Variants in TRIP12 observed in about 807,000 individuals in gnomAD.
The protein encoded by TRIP12 is E3 ubiquitin-protein ligase TRIP12.
In TRIP12, 25 loss-of-function variants were observed where a neutral mutation model predicts 244.2. The observed-to-expected ratio is 0.10, with a 90% confidence interval of 0.07 to 0.14. TRIP12 has a LOEUF of 0.14. TRIP12 is among the 10% of genes least tolerant of loss of function. The probability of loss-of-function intolerance (pLI) is 1.00; values close to 1 mark genes in which losing one functional copy is unlikely to be tolerated. For missense variants in TRIP12, 1,677 were observed against 2,486.4 expected (o/e 0.67, Z 6.92); for synonymous variants, 905 against 873.1 (o/e 1.04, Z -0.64).
At chr2:229,878,620 C>T (rs1446370038) in intron 2 of TRIP12, among the ~76,000 whole-genome samples, 1 of 150,634 alleles carries the variant, frequency 6.6e-6, no homozygotes, top group Non-Finnish European at 1.5e-5. Flanking sequence ...CTCTGTCTGT[C>T]GCCCAGGCTG....
intron 34 of TRIP12, among the ~76,000 whole-genome samples, chr2:229,780,392 C>T (rs2037711307): frequency 6.6e-6 from 1 of 152,216 alleles, no homozygotes; most frequent in Non-Finnish European, 1.5e-5. Flanking sequence ...TAGATGGTCT[C>T]TGCACTAGCA....
intron 5 of TRIP12, among the ~76,000 whole-genome samples, chr2:229,837,730 CAT>C (rs1277727546): frequency 1.3e-5 from 2 of 152,144 alleles, no homozygotes; most frequent in Admixed American, 1.3e-4. Flanking sequence ...TTACCTAAAT[CAT>C]ATAAAAATAA....
intron 2 of TRIP12, among the ~76,000 whole-genome samples, chr2:229,869,565 T>A (rs889024694): frequency 3.3e-5 from 5 of 152,138 alleles, no homozygotes; most frequent in Non-Finnish European, 7.4e-5. Context: ...CCGAGCTGGG[T>A]TGCTTTCTGG....
intron 4 of TRIP12, among the ~76,000 whole-genome samples, chr2:229,845,422 T>C (rs922443647): frequency 8.5e-5 from 13 of 152,084 alleles, no homozygotes; most frequent in African/African-American, 3.1e-4. Context: ...TTCCAGAAAG[T>C]CATAATAAAT....
In TRIP12 at chr2:229,814,349, A is replaced by C. The variant is rs74001435; in HGVS notation, c.1732-24T>G. On this transcript the variant is annotated intron_variant, in intron 11 of 41. Coordinates refer to ENST00000675903, the MANE Select transcript of TRIP12 (RefSeq NM_001348323.3). ...AGCTGGGAACATATATATAGTTACCATAAGGTTATCATTTAAGTTCTTTCC... is the reference window on the plus strand; with the variant it reads ...AGCTGGGAACATATATATAGTTACCCTAAGGTTATCATTTAAGTTCTTTCC... 1.4e-3 allele frequency: 2,291 copies of C among 1,605,756 alleles called. 31 individuals carry two copies. In the African/African-American group the frequency reaches 0.027, roughly 19 times the overall value.
intron 1 of TRIP12, among the ~76,000 whole-genome samples, chr2:229,895,207 A>T (rs1020665762): frequency 6.6e-6 from 1 of 152,236 alleles, no homozygotes. Context: ...CAGAATTTCT[A>T]ACATGAAAAA....
At chr2:229,770,912 G>C (rs554910549) in intron 39 of TRIP12, among the ~76,000 whole-genome samples, 1 of 152,248 alleles carries the variant, frequency 6.6e-6, no homozygotes, top group South Asian at 2.1e-4. Flanking sequence ...CCCCAGCCAC[G>C]TGGAACTCTA....
chr2:229,858,312 G>A (rs1375909859), intron 4 of TRIP12, among the ~76,000 whole-genome samples: 2 of 152,164 alleles, frequency 1.3e-5, no homozygotes, highest in Non-Finnish European at 1.5e-5. Flanking sequence ...GCAGTGAGCC[G>A]AGACTGCGCC....
intron 1 of TRIP12, among the ~76,000 whole-genome samples, chr2:229,886,922 C>G (rs893118541): frequency 6.6e-6 from 1 of 152,056 alleles, no homozygotes; most frequent in African/African-American, 2.4e-5. Context: ...ATTTTCACAC[C>G]AACTTTACAA....
intron 2 of TRIP12, among the ~76,000 whole-genome samples, chr2:229,875,601 T>C (rs775519010): frequency 1.3e-5 from 2 of 152,238 alleles, no homozygotes; most frequent in Non-Finnish European, 2.9e-5. Context: ...ACACTAGCTA[T>C]ACAAAGTTGA....
intron 4 of TRIP12, among the ~76,000 whole-genome samples, chr2:229,849,325 T>G (rs1311485846): frequency 6.6e-6 from 1 of 152,212 alleles, no homozygotes; most frequent in East Asian, 1.9e-4. Context: ...CCCTGCGTGC[T>G]GATCATCACT....
intron 4 of TRIP12, among the ~76,000 whole-genome samples, chr2:229,845,518 A>T (rs916524062): frequency 6.6e-6 from 1 of 152,090 alleles, no homozygotes; most frequent in African/African-American, 2.4e-5. Context: ...ATGGTTACTG[A>T]CCCAGACTTT....
At chr2:229,771,414 C>G in intron 39 of TRIP12, 105 bp downstream of exon 39, 1 of 856,436 alleles carries the variant, frequency 1.2e-6, no homozygotes, top group South Asian at 1.7e-5. Flanking sequence ...ATCTAACACC[C>G]ATTTTTTTGT....
chr2:229,917,380 CAAAAAAAAAAAAAAAAAA>C (rs60397605), intron 1 of TRIP12, among the ~76,000 whole-genome samples: 96 of 29,266 alleles, frequency 3.3e-3, no homozygotes, highest in African/African-American at 6.9e-3. Flanking sequence ...GACTCTGTCT[CAAAAAAAAAAAAAAAAAA>C]AAAAAAAAAA....
chr2:229,808,481 G>A, intron 15 of TRIP12, 112 bp from the exon 16 acceptor site: 1 of 690,316 alleles, frequency 1.4e-6, no homozygotes, highest in Non-Finnish European at 2.4e-6. Flanking sequence ...TTCTTACAAA[G>A]CAACATAATG....
At chr2:229,864,031 AGAGAGAGAGAGAGAGAGT>A (rs1559955438) in intron 2 of TRIP12, among the ~76,000 whole-genome samples, 295 of 140,922 alleles carry the variant, frequency 2.1e-3, no homozygotes, top group East Asian at 9.1e-3. Context: ...AGAGAGAGAG[AGAGAGAGAGAGAGAGAGT>A]GTGTGTGTGT....
chr2:229,896,026 A>C (rs2068720412), intron 1 of TRIP12, among the ~76,000 whole-genome samples: 1 of 152,014 alleles, frequency 6.6e-6, no homozygotes, highest in Admixed American at 6.6e-5. Flanking sequence ...AACATTCTAC[A>C]CCAAGTGAAA....
intron 34 of TRIP12, among the ~76,000 whole-genome samples, chr2:229,782,339 C>T (rs1413461479): frequency 6.6e-6 from 1 of 152,164 alleles, no homozygotes; most frequent in Non-Finnish European, 1.5e-5. Context: ...TTCTGCCACT[C>T]ACCACCAAGC....
At position 229,768,666 on chromosome 2, in the gene TRIP12, T is replaced by C; in HGVS notation, c.5957A>G (p.Gln1986Arg). The change falls in exon 41 of 42, where the codon CAG becomes CGG. Residue 1986 changes from glutamine to arginine, a missense_variant. Coordinates refer to ENST00000675903, the MANE Select transcript of TRIP12 (RefSeq NM_001348323.3). ...EILSSFDNEQQRLFLQFVTGS... is the reference protein window; with the variant it reads ...EILSSFDNEQRRLFLQFVTGS... ...AGTCACAAACTGGAGAAATAACCTC[T>C]GCTGCTCATTATCAAAACTACTGAG... 6.2e-7 allele frequency: 1 copy of C among 1,612,370 alleles called. No homozygotes were observed. Among genetic ancestry groups the C allele is most frequent in the African/African-American group, 1.3e-5 (1 of 74,888 alleles).
Sources: allele counts gnomAD v4.1 joint callset (sites outside exome capture counted in the v4.1 genomes callset), GRCh38; gene constraint gnomAD v4.1.1; transcripts MANE v1.5; gene names NCBI Gene and HGNC (gene_info 2026-07-23, HGNC 2026-07-21).